The following SMURF2 variants were observed in gnomAD, a reference collection of about 807,000 sequenced individuals.
SMURF2 encodes the protein E3 ubiquitin-protein ligase SMURF2.
Under a neutral mutation model 109.6 loss-of-function variants are expected in SMURF2, and 48 were observed. That is an observed-to-expected ratio of 0.44 (90% CI 0.35 to 0.56). The LOEUF (loss-of-function observed/expected upper bound fraction) is 0.56. Ranked by LOEUF, SMURF2 falls within the 20% of genes least tolerant of loss-of-function variation. SMURF2 has a pLI of 0.01. For missense variants in SMURF2, 575 were observed against 909.0 expected, an observed-to-expected ratio of 0.63 and a Z score of 4.72; for synonymous variants, 288 against 317.1, an observed-to-expected ratio of 0.91 and a Z score of 0.97.
chr17:64,586,643 C>T (rs782656108), intron 5 of SMURF2, among the ~76,000 whole-genome samples: 2 of 146,020 alleles, frequency 1.4e-5, no homozygotes, highest in African/African-American at 5.1e-5. Context: ...CCCAGCTTCT[C>T]GGGAGGCTGA....
chr17:64,642,152 A>T (rs1387330725), intron 1 of SMURF2, among the ~76,000 whole-genome samples: 1 of 152,206 alleles, frequency 6.6e-6, no homozygotes, highest in Non-Finnish European at 1.5e-5. Context: ...CCTTTCTAGC[A>T]AATATGTGAT....
intron 1 of SMURF2, among the ~76,000 whole-genome samples, chr17:64,615,955 G>A (rs974916262): frequency 5.3e-5 from 8 of 151,838 alleles, no homozygotes; most frequent in Non-Finnish European, 1.0e-4. Context: ...TCAGCCTCTC[G>A]AGTAGCTGGG....
At chr17:64,571,535 A>C (rs1555685545) in intron 10 of SMURF2, among the ~76,000 whole-genome samples, 3 of 152,136 alleles carry the variant, frequency 2.0e-5, no homozygotes, top group African/African-American at 7.2e-5. Context: ...TTTCCCAAGT[A>C]GCTAGGACTG....
chr17:64,602,007 A>G (rs1355461778), intron 2 of SMURF2, among the ~76,000 whole-genome samples: 1 of 151,772 alleles, frequency 6.6e-6, no homozygotes, highest in Non-Finnish European at 1.5e-5. Flanking sequence ...CTACTCAGCC[A>G]TTAAAAAGAA....
intron 1 of SMURF2, among the ~76,000 whole-genome samples, chr17:64,620,042 C>T (rs927308947): frequency 6.6e-6 from 1 of 152,146 alleles, no homozygotes; most frequent in African/African-American, 2.4e-5. Context: ...CCCTAGTGAA[C>T]CTGCTCTTCT....
rs782760972 is a variant in SMURF2, at chr17:64,613,333, GAATGT to G, written c.53-6698_53-6694del. Among the ~76,000 whole-genome samples the G allele has an allele frequency of 1.2e-4, 18 of 152,198 alleles. No homozygotes were observed. In the East Asian group the frequency reaches 1.4e-3, roughly 11 times the overall value. ...GAGGTATGTATCAGAATCCCCTGGAGAATGTATATACAATATTATAATTTTATATT... is the reference window on the plus strand; with the variant it reads ...GAGGTATGTATCAGAATCCCCTGGAGATATACAATATTATAATTTTATATT... On this transcript the variant is annotated intron_variant, in intron 1 of 18. Coordinates refer to ENST00000262435, the MANE Select transcript of SMURF2 (RefSeq NM_022739.4).
At chr17:64,595,660 C>T (rs1368429813) in intron 3 of SMURF2, among the ~76,000 whole-genome samples, 2 of 152,054 alleles carry the variant, frequency 1.3e-5, no homozygotes, top group Non-Finnish European at 2.9e-5. Context: ...CAATTAAAGG[C>T]AAGGGTTTTG....
At position 64,581,401 on chromosome 17, in the gene SMURF2, G is replaced by A. The variant is rs1969576987; in HGVS notation, c.570-410C>T. On this transcript the variant is annotated intron_variant, in intron 7 of 18. Coordinates refer to ENST00000262435, the MANE Select transcript of SMURF2 (RefSeq NM_022739.4). The surrounding 1 kb of genome is among the most constrained non-coding windows in gnomAD (Gnocchi z 4.3). Reference sequence around the variant, plus strand: ...TGAACTTGCCAAGGTCATTCCACCTGAGAGCAGTTGCTCTTCCTTCCATCT... The same window carrying A: ...TGAACTTGCCAAGGTCATTCCACCTAAGAGCAGTTGCTCTTCCTTCCATCT... 1.3e-5 allele frequency among the ~76,000 whole-genome samples: 2 copies of A among 152,032 alleles called. No individual in the cohort carries two copies. The highest frequency in any genetic ancestry group is 4.2e-4 in the South Asian group (2 of 4,818).
rs1339401322 is a variant in SMURF2 at position 64,562,905 on chromosome 17, T to G, written c.1078A>C (p.Thr360Pro). 49 of 1,614,206 alleles carry G rather than the reference T, an allele frequency of 3.0e-5. No homozygotes were observed. The highest frequency in any genetic ancestry group is 4.1e-5 in the Non-Finnish European group (48 of 1,180,016). ...QQVVSLCPDDTECLTVPRYKR... is the reference protein window; with the variant it reads ...QQVVSLCPDDPECLTVPRYKR... Reference sequence around the variant, plus strand: ...TACCTTGGGACTGTCAGGCATTCTGTGTCATCAGGACATAACGATACCACT... The same window carrying G: ...TACCTTGGGACTGTCAGGCATTCTGGGTCATCAGGACATAACGATACCACT... The change falls in exon 11 of 19, where the codon ACA becomes CCA. Residue 360 changes from threonine (T) to proline (P), a missense_variant. This residue lies in a region of SMURF2 where 361 missense variants were observed against 612.1 expected (regional missense o/e 0.59). Coordinates refer to ENST00000262435, the MANE Select transcript of SMURF2 (RefSeq NM_022739.4).
intron 3 of SMURF2, among the ~76,000 whole-genome samples, chr17:64,597,901 G>A (rs1969841352): frequency 6.6e-6 from 1 of 152,122 alleles, no homozygotes; most frequent in South Asian, 2.1e-4. Flanking sequence ...CCTTGAGGAT[G>A]GGAATCAGGA....
At chr17:64,574,065 A>G (rs1268171972) in intron 9 of SMURF2, among the ~76,000 whole-genome samples, 1 of 152,178 alleles carries the variant, frequency 6.6e-6, no homozygotes, top group East Asian at 1.9e-4. Flanking sequence ...TCATCTGTAC[A>G]ACAAACCCTC....
At chr17:64,640,614 T>C (rs1555692489) in intron 1 of SMURF2, among the ~76,000 whole-genome samples, 1 of 152,102 alleles carries the variant, frequency 6.6e-6, no homozygotes, top group African/African-American at 2.4e-5. Flanking sequence ...GAATGGATTA[T>C]AGACGGGTTA....
intron 10 of SMURF2, among the ~76,000 whole-genome samples, chr17:64,568,742 C>T (rs1598275106): frequency 6.6e-6 from 1 of 152,298 alleles, no homozygotes; most frequent in East Asian, 1.9e-4. Context: ...CGGCTCACAC[C>T]TGTAATCCCA....
chr17:64,634,186 T>TGCTAGCATTCTTGGA (rs1433719627), intron 1 of SMURF2, among the ~76,000 whole-genome samples: 9 of 152,144 alleles, frequency 5.9e-5, no homozygotes, highest in African/African-American at 2.2e-4. Context: ...AATAACTGGC[T>TGCTAGCATTCTTGGA]GCTAGCATTC....
At chr17:64,608,106 A>G (rs1969997926) in intron 1 of SMURF2, among the ~76,000 whole-genome samples, 1 of 151,986 alleles carries the variant, frequency 6.6e-6, no homozygotes, top group African/African-American at 2.4e-5. Flanking sequence ...AAGAGAAAGA[A>G]AAACATCAAT....
chr17:64,592,159 C>T (rs1464562489), intron 4 of SMURF2, among the ~76,000 whole-genome samples: 7 of 152,214 alleles, frequency 4.6e-5, no homozygotes, highest in African/African-American at 1.7e-4. Context: ...CAGGCCTTTG[C>T]CCTTCCTTCT....
chr17:64,623,075 G>T (rs2144698099), intron 1 of SMURF2, among the ~76,000 whole-genome samples: 1 of 152,184 alleles, frequency 6.6e-6, no homozygotes, highest in Non-Finnish European at 1.5e-5. Flanking sequence ...CCATCATTGA[G>T]GGGAAAGGAA....
At chr17:64,646,019 A>G (rs1423758221) in intron 1 of SMURF2, among the ~76,000 whole-genome samples, 4 of 152,116 alleles carry the variant, frequency 2.6e-5, no homozygotes, top group Non-Finnish European at 5.9e-5. Flanking sequence ...CAAGATCTAT[A>G]ATTTTAAAAA....
chr17:64,635,041 A>G (rs879950688), intron 1 of SMURF2, among the ~76,000 whole-genome samples: 2 of 152,208 alleles, frequency 1.3e-5, no homozygotes, highest in African/African-American at 2.4e-5. Context: ...TAAAAGTCAC[A>G]TAAGGCCAGG....
Sources: allele counts gnomAD v4.1 joint callset (sites outside exome capture counted in the v4.1 genomes callset), GRCh38; gene constraint gnomAD v4.1.1; regional missense constraint gnomAD v4.1.1; non-coding constraint Gnocchi (gnomAD v3.1); transcripts MANE v1.5; gene names NCBI Gene and HGNC (gene_info 2026-07-23, HGNC 2026-07-21).